Variants in NAV1 observed in about 807,000 individuals in gnomAD.
The protein encoded by NAV1 is neuron navigator 1, also known as pore membrane and/or filament interacting like protein 3.
NAV1 carries 18 observed loss-of-function variants against 175.2 expected under a neutral mutation model. That is an observed-to-expected ratio of 0.10 (90% CI 0.07 to 0.15). NAV1 has a LOEUF of 0.15. NAV1 is among the 10% of genes least tolerant of loss of function. The pLI, the probability that NAV1 is intolerant of heterozygous loss-of-function variation, is 1.00. For synonymous variants in NAV1, 897 were observed against 978.7 expected (o/e 0.92, Z 1.56); for missense variants, 1,731 against 2,436.6 (o/e 0.71, Z 6.10).
chr1:201,785,048 G>C (rs563196438), intron 7 of NAV1, among the ~76,000 whole-genome samples: 1 of 152,332 alleles, frequency 6.6e-6, no homozygotes, highest in African/African-American at 2.4e-5. Flanking sequence ...GATTACAGGC[G>C]TGAGCTACGG....
intron 1 of NAV1, among the ~76,000 whole-genome samples, chr1:201,565,663 A>G (rs1476292382): frequency 1.1e-4 from 17 of 152,168 alleles, no homozygotes; most frequent in Admixed American, 1.1e-3. Flanking sequence ...CAGTATCGCT[A>G]TTTGCAAAGC....
intron 2 of NAV1, among the ~76,000 whole-genome samples, chr1:201,637,552 A>G (rs1239619112): frequency 2.0e-5 from 3 of 152,182 alleles, no homozygotes; most frequent in Non-Finnish European, 2.9e-5. Context: ...GCCCACAGTG[A>G]ATTAAGAGGA....
At chr1:201,766,742 A>G (rs1163896082) in intron 3 of NAV1, among the ~76,000 whole-genome samples, 1 of 152,206 alleles carries the variant, frequency 6.6e-6, no homozygotes, top group Non-Finnish European at 1.5e-5. Flanking sequence ...TTTAAAGCGG[A>G]CATTTCATTG....
chr1:201,566,420 C>T (rs916661270), intron 1 of NAV1, among the ~76,000 whole-genome samples: 2 of 152,120 alleles, frequency 1.3e-5, no homozygotes, highest in African/African-American at 4.8e-5. Context: ...CACCCTCAGC[C>T]GTTACAGGCC....
intron 1 of NAV1, among the ~76,000 whole-genome samples, chr1:201,581,136 C>G (rs1666847492): frequency 6.6e-6 from 1 of 152,166 alleles, no homozygotes; most frequent in South Asian, 2.1e-4. Context: ...CATGCTTACC[C>G]TTAAAGGCTT....
In NAV1 at chr1:201,808,785, T is replaced by C. The variant is rs1678489379; in HGVS notation, c.4121T>C (p.Val1374Ala). 2 of 1,614,030 alleles carry C rather than the reference T, an allele frequency of 1.2e-6. No individual in the cohort carries two copies. Among genetic ancestry groups the C allele is most frequent in the East Asian group, 4.5e-5 (2 of 44,874 alleles). The change falls in exon 20 of 30, where the codon GTC (valine) becomes GCC (alanine). Residue 1374 changes from valine (V) to alanine (A), a missense_variant. By Grantham distance (64) the Val-to-Ala change is moderately conservative. Around this residue, in one of 13 missense-constraint regions of NAV1, gnomAD observed 122 missense variants for 139.4 expected, o/e 0.88. Transcript: ENST00000367296. The surrounding 1 kb of genome is among the most constrained non-coding windows in gnomAD (Gnocchi z 5.5). ...TCATCAGGCTCCACTCCAGGGCAGG[T>C]CCCTGGATCATCTGCATTATCTTCC...
intron 3 of NAV1, among the ~76,000 whole-genome samples, chr1:201,768,425 C>T (rs1558143215): frequency 1.3e-5 from 2 of 151,074 alleles, no homozygotes; most frequent in Admixed American, 1.3e-4. Context: ...ATCGCTTGAG[C>T]TCAGTAGTTT....
intron 1 of NAV1, among the ~76,000 whole-genome samples, chr1:201,712,378 G>A (rs535252199): frequency 2.6e-5 from 4 of 152,132 alleles, no homozygotes; most frequent in Non-Finnish European, 4.4e-5. Context: ...ACCACACATC[G>A]GTGTCCCCTT....
chr1:201,675,364 A>G (rs899012850), intron 1 of NAV1, among the ~76,000 whole-genome samples: 1 of 152,174 alleles, frequency 6.6e-6, no homozygotes, highest in Non-Finnish European at 1.5e-5. Flanking sequence ...GGGATCCTCC[A>G]TGCTTATCGT....
At chr1:201,723,070 C>T (rs998387709) in intron 3 of NAV1, among the ~76,000 whole-genome samples, 3 of 152,174 alleles carry the variant, frequency 2.0e-5, no homozygotes, top group Admixed American at 6.5e-5. Context: ...GAGATTGCAC[C>T]ACTGCACTCC....
At chr1:201,614,372 C>A (rs1667941182) in intron 2 of NAV1, among the ~76,000 whole-genome samples, 1 of 152,234 alleles carries the variant, frequency 6.6e-6, no homozygotes, top group Non-Finnish European at 1.5e-5. Context: ...TGCCCCCAAC[C>A]CCGGCAGCTG....
At chr1:201,667,718 C>T (rs76033223) in intron 1 of NAV1, among the ~76,000 whole-genome samples, 4,115 of 152,320 alleles carry the variant, frequency 0.027, 66 homozygotes, top group Non-Finnish European at 0.041. Context: ...TCACCTCTCC[C>T]TCCCTGTGGC....
At chr1:201,620,711 C>T (rs368092391), upstream of NAV1, among the ~76,000 whole-genome samples, 3 of 152,162 alleles carry the variant, frequency 2.0e-5, no homozygotes, top group East Asian at 1.9e-4. Flanking sequence ...TCAGTTGATC[C>T]GCCTGCCTCA....
chr1:201,597,359 C>T (rs994242354), intron 2 of NAV1, among the ~76,000 whole-genome samples: 29 of 152,224 alleles, frequency 1.9e-4, no homozygotes, highest in African/African-American at 7.0e-4. Flanking sequence ...CACACATTGG[C>T]CTTGGCCAAA....
At chr1:201,598,337 G>A (rs988357397) in intron 2 of NAV1, among the ~76,000 whole-genome samples, 1 of 152,262 alleles carries the variant, frequency 6.6e-6, no homozygotes, top group Non-Finnish European at 1.5e-5. Flanking sequence ...ATGAGTCTGG[G>A]AAATAGGGAG....
chr1:201,775,551 A>T lies in NAV1; in HGVS notation c.1227-4870A>T, dbSNP rs79240330. Among the ~76,000 whole-genome samples, 45 of 152,318 alleles carry T rather than the reference A, an allele frequency of 3.0e-4. 1 individual carries two copies. In the East Asian group the frequency reaches 6.0e-3, roughly 20 times the overall value. Reference sequence around the variant, plus strand: ...CCATATAAGCAAACAGCCAAGCTTCATCACACATCTCAGAAGGTCTATAAC... The same window carrying T: ...CCATATAAGCAAACAGCCAAGCTTCTTCACACATCTCAGAAGGTCTATAAC... On this transcript the variant is annotated intron_variant, in intron 3 of 29. Transcript: ENST00000367296.
At chr1:201,665,877 T>A (rs938626935) in intron 1 of NAV1, among the ~76,000 whole-genome samples, 4 of 151,972 alleles carry the variant, frequency 2.6e-5, no homozygotes, top group Non-Finnish European at 4.4e-5. Flanking sequence ...AAAAAAGCCA[T>A]TCCATCTGCC....
intron 1 of NAV1, 117 bp downstream of exon 5, chr1:201,649,542 T>A: frequency 7.0e-7 from 1 of 1,419,866 alleles, no homozygotes. Context: ...GCCCTCCTGT[T>A]CACGATCAGG....
At position 201,810,126 on chromosome 1, in the gene NAV1, G is replaced by T; in HGVS notation, c.4561+21G>T. On this transcript the variant is annotated intron_variant, in intron 23 of 29. Coordinates refer to ENST00000367296, the Ensembl canonical transcript of NAV1. The surrounding 1 kb of genome is among the most constrained non-coding windows in gnomAD (Gnocchi z 6.0). ...CAAAGGTCAGTCTTTGTCTCTTGGG[G>T]TGAGGTGGTGTGGCATGAAGGCAGG... The T allele has an allele frequency of 6.2e-7, 1 of 1,611,502 alleles. No homozygotes were observed.
Sources: gnomAD v4.1 joint callset for allele counts (sites outside exome capture counted in the v4.1 genomes callset) on GRCh38, gnomAD v4.1.1 for gene constraint, gnomAD v4.1.1 regional missense constraint, Gnocchi (gnomAD v3.1) non-coding constraint, MANE v1.5 for transcripts, NCBI Gene and HGNC (gene_info 2026-07-23, HGNC 2026-07-21) for gene names.